The following TIPRL variants were observed in gnomAD, a reference collection of about 807,000 sequenced individuals.
TIPRL encodes TIP41-like protein.
In TIPRL, 10 loss-of-function variants were observed where a neutral mutation model predicts 32.3. That is an observed-to-expected ratio of 0.31 (90% CI 0.19 to 0.52). The LOEUF (loss-of-function observed/expected upper bound fraction) is 0.52, where lower values mean the gene tolerates loss of function less well. TIPRL is among the 20% of genes least tolerant of loss of function. The pLI is 0.96. For missense variants in TIPRL, 250 were observed against 328.1 expected (o/e 0.76, Z 1.84); for synonymous variants, 100 against 114.0 (o/e 0.88, Z 0.78).
chr1:168,192,828 G>A (rs1363076205), intron 4 of TIPRL, among the ~76,000 whole-genome samples: 1 of 152,172 alleles, frequency 6.6e-6, no homozygotes, highest in Non-Finnish European at 1.5e-5. Context: ...AGAGCTTGCA[G>A]TGAGCCGAGA....
rs930114943 is a variant in TIPRL, at chr1:168,178,969, C to T, written c.-109C>T. The T allele has an allele frequency of 1.0e-6, 1 of 964,820 alleles. No homozygotes were observed. Among genetic ancestry groups the T allele is most frequent in the Non-Finnish European group, 1.5e-6 (1 of 667,314 alleles). The allele number at this position is 964,820 out of a possible 1,614,324, so 59.8% of individuals were successfully genotyped here. ...CAGGGGGCGGGGCCGGGCATGGTAA[C>T]GGCTCGGAAGCCTAGGAGGCTGGGC... On this transcript the variant is annotated 5_prime_UTR_variant, in exon 1 of 7. In the 5' UTR this introduces an upstream ATG that the reference lacks. Coordinates refer to ENST00000367833, the MANE Select transcript of TIPRL (RefSeq NM_152902.5).
At chr1:168,190,236 A>C (rs1026675255) in intron 3 of TIPRL, among the ~76,000 whole-genome samples, 3 of 152,160 alleles carry the variant, frequency 2.0e-5, no homozygotes, top group African/African-American at 7.2e-5. Flanking sequence ...GAGTGGCCTT[A>C]TACCTGCTCC....
chr1:168,191,229 GAC>G, intron 3 of TIPRL, 138 bp from the exon 4 acceptor site: 1 of 599,772 alleles, frequency 1.7e-6, no homozygotes, highest in Non-Finnish European at 2.6e-6. Context: ...ATCTACTAAT[GAC>G]ACCCAAATTT....
chr1:168,199,921 T>G lies in TIPRL; in HGVS notation c.694T>G (p.Phe232Val). Residue 232 changes from phenylalanine to valine, a missense_variant, in exon 7 of 7, where the codon TTC (phenylalanine) becomes GTC (valine). By Grantham distance (50) the Phe-to-Val change is conservative. Transcript: ENST00000367833. ...TTCCTAGCATGTTCCACCTTCCCTCTTCACGGAACCTAATGAAATATCCCA... is the reference window on the plus strand; with the variant it reads ...TTCCTAGCATGTTCCACCTTCCCTCGTCACGGAACCTAATGAAATATCCCA... ...SSLMHVPPSL[F>V]TEPNEISQYL... 1 of 1,613,106 alleles carries G rather than the reference T, an allele frequency of 6.2e-7. No individual in the cohort carries two copies. Among genetic ancestry groups the G allele is most frequent in the Non-Finnish European group, 8.5e-7 (1 of 1,179,528 alleles).
rs541008683 is a variant in TIPRL at position 168,184,136 on chromosome 1, A to G, written c.284+55A>G. ...AAAAGGTAATTAGGTTAAACAAAAG[A>G]GAAAAGACTTGAAAAAATATTCAGT... On this transcript the variant is annotated intron_variant, in intron 2 of 6. Coordinates refer to ENST00000367833, the MANE Select transcript of TIPRL (RefSeq NM_152902.5). 9.3e-6 allele frequency: 14 copies of G among 1,498,794 alleles called. No individual in the cohort carries two copies. The East Asian group carries it at 3.0e-4, about 32-fold the overall frequency. The allele number at this position is 1,498,794 out of a possible 1,614,324, so 92.8% of individuals were successfully genotyped here.
At chr1:168,183,639 A>G (rs1271787032) in intron 1 of TIPRL, among the ~76,000 whole-genome samples, 1 of 152,030 alleles carries the variant, frequency 6.6e-6, no homozygotes, top group Non-Finnish European at 1.5e-5. Context: ...TCTGTGTGCT[A>G]TATATTATAG....
chr1:168,199,154 C>T (rs941405563), intron 6 of TIPRL, among the ~76,000 whole-genome samples, 173 bp downstream of exon 6: 1 of 152,134 alleles, frequency 6.6e-6, no homozygotes, highest in African/African-American at 2.4e-5. Flanking sequence ...GACCTTACCT[C>T]AAATACAAGA....
intron 1 of TIPRL, among the ~76,000 whole-genome samples, chr1:168,179,571 C>T (rs1263513825): frequency 6.6e-6 from 1 of 152,082 alleles, no homozygotes; most frequent in Non-Finnish European, 1.5e-5. Context: ...GTGCTGTGCC[C>T]GGCGCTTGAG....
chr1:168,180,312 A>G (rs1699944288), intron 1 of TIPRL, among the ~76,000 whole-genome samples: 1 of 152,134 alleles, frequency 6.6e-6, no homozygotes, highest in Non-Finnish European at 1.5e-5. Flanking sequence ...TTTGAACAAG[A>G]TGAGAAGCAC....
Position 168,191,491 on chromosome 1 carries a change from T to C in TIPRL, c.507T>C (p.Ser169=), listed in dbSNP as rs764291936. ...ATGATCATGGAGTTTCAAGCCTGAG[T>C]GTGAAGATTGTGAGTATTATTTTTA... ...ELHDHGVSSL[S]VKIRVMPSSF... is the part of the protein sequence containing the mutation. The change falls in exon 4 of 7, where the codon AGT becomes AGC. Residue 169 remains serine, a synonymous_variant. Transcript: ENST00000367833. 2 of 1,495,772 alleles carry C rather than the reference T, an allele frequency of 1.3e-6. No homozygotes were observed. Among genetic ancestry groups the C allele is most frequent in the East Asian group, 5.1e-5 (2 of 39,036 alleles). 92.7% of individuals were successfully genotyped at this position (1,495,772 alleles called of 1,614,324 possible).
chr1:168,198,317 A>G (rs958884708), intron 5 of TIPRL, among the ~76,000 whole-genome samples: 4 of 152,094 alleles, frequency 2.6e-5, no homozygotes, highest in African/African-American at 7.2e-5. Context: ...TTAAAGGCAT[A>G]TAATTTTGTG....
At chr1:168,184,109 A>G (rs756257177) in intron 2 of TIPRL, 28 bp downstream of exon 2, 1 of 1,579,680 alleles carries the variant, frequency 6.3e-7, no homozygotes, top group South Asian at 1.1e-5. Context: ...TAGGTTAAAC[A>G]AAAAAGGTAA....
At chr1:168,190,655 T>C (rs560891387) in intron 3 of TIPRL, among the ~76,000 whole-genome samples, 1 of 152,324 alleles carries the variant, frequency 6.6e-6, no homozygotes, top group Non-Finnish European at 1.5e-5. Flanking sequence ...AAATTAGGTG[T>C]GGTAGAAAAT....
rs565095110 is a variant in TIPRL at position 168,188,968 on chromosome 1, G to A, written c.385-2401G>A. Among the ~76,000 whole-genome samples, 178 of 141,496 alleles carry A rather than the reference G, an allele frequency of 1.3e-3. 1 individual carries two copies. The highest frequency in any genetic ancestry group is 2.7e-4 in the Non-Finnish European group (18 of 66,776). The allele number at this position is 141,496 out of a possible 152,430, so 92.8% of individuals were successfully genotyped here. On this transcript the variant is annotated intron_variant, in intron 3 of 6. Coordinates refer to ENST00000367833, the MANE Select transcript of TIPRL (RefSeq NM_152902.5). ...TGCATTCCAGCCTGGGCAACAGAGC[G>A]AGACTCTGTCTCAAGAAAAAAAAAA...
At chr1:168,181,929 T>C (rs139157705) in intron 1 of TIPRL, among the ~76,000 whole-genome samples, 35 of 151,756 alleles carry the variant, frequency 2.3e-4, no homozygotes, top group African/African-American at 7.0e-4. Flanking sequence ...CTGGGGGTGG[T>C]GGTGCAGGCC....
intron 5 of TIPRL, among the ~76,000 whole-genome samples, chr1:168,197,486 T>G (rs1441428643): frequency 6.6e-6 from 1 of 152,170 alleles, no homozygotes; most frequent in Admixed American, 6.6e-5. Flanking sequence ...AGCTATATTT[T>G]TGTTCCCCAG....
chr1:168,185,206 G>A (rs1309850513), intron 3 of TIPRL, among the ~76,000 whole-genome samples: 1 of 152,238 alleles, frequency 6.6e-6, no homozygotes, highest in African/African-American at 2.4e-5. Flanking sequence ...GAACCTGCTA[G>A]CTTGTAGCTC....
rs923249141 is a variant in TIPRL at position 168,196,440 on chromosome 1, T to C, written c.517-107T>C. On this transcript the variant is annotated intron_variant, in intron 4 of 6. Coordinates refer to ENST00000367833, the MANE Select transcript of TIPRL (RefSeq NM_152902.5). Reference sequence around the variant, plus strand: ...TTTTTATAAACTGTGAATTCAGCCTTATTCCAGGGTTTTTTTGTTTTTTGT... The same window carrying C: ...TTTTTATAAACTGTGAATTCAGCCTCATTCCAGGGTTTTTTTGTTTTTTGT... The C allele has an allele frequency of 1.1e-4, 74 of 665,018 alleles. No individual in the cohort carries two copies. The African/African-American group carries it at 1.2e-3, about 11-fold the overall frequency. The allele number at this position is 665,018 out of a possible 1,614,324, so 41.2% of individuals were successfully genotyped here.
chr1:168,191,668 C>T (rs889004744), intron 4 of TIPRL, among the ~76,000 whole-genome samples, 168 bp downstream of exon 4: 2 of 151,852 alleles, frequency 1.3e-5, no homozygotes, highest in African/African-American at 2.4e-5. Context: ...GTCAGGAGAC[C>T]GAGACCATCC....
Sources: allele counts gnomAD v4.1 joint callset (sites outside exome capture counted in the v4.1 genomes callset), GRCh38; gene constraint gnomAD v4.1.1; transcripts MANE v1.5; gene names NCBI Gene and HGNC (gene_info 2026-07-23, HGNC 2026-07-21).